CDH2: variants seen among roughly 807,000 people sequenced by gnomAD.
CDH2 encodes cadherin-2.
Under a neutral mutation model 92.0 loss-of-function variants are expected in CDH2, and 17 were observed. The ratio of observed to expected loss-of-function variants is 0.18; its 90% CI spans 0.13 to 0.28. The LOEUF is 0.28. Among genes scored for constraint, CDH2 ranks in the 10% least tolerant of loss-of-function variants. The pLI is 1.00. For synonymous variants in CDH2, 419 were observed against 415.9 expected (o/e 1.01, Z -0.09); for missense variants, 862 against 1,133.1 (o/e 0.76, Z 3.44).
chr18:28,030,256 T>A (rs2013659093), intron 2 of CDH2, among the ~76,000 whole-genome samples: 1 of 151,514 alleles, frequency 6.6e-6, no homozygotes, highest in Admixed American at 6.6e-5. Flanking sequence ...TGTGGATAAT[T>A]GGGACAATGA....
At chr18:28,111,060 T>C (rs962857018) in intron 2 of CDH2, among the ~76,000 whole-genome samples, 3 of 152,116 alleles carry the variant, frequency 2.0e-5, no homozygotes, top group Non-Finnish European at 4.4e-5. Context: ...TCTTGCTCAG[T>C]GTTGCAAAAA....
At chr18:28,125,985 A>G (rs2015671251) in intron 2 of CDH2, among the ~76,000 whole-genome samples, 1 of 152,192 alleles carries the variant, frequency 6.6e-6, no homozygotes, top group South Asian at 2.1e-4. Context: ...TTTTTACAGG[A>G]AAAGAGTCTA....
At chr18:27,943,020 A>T (rs1909182306) in intron 6 of CDH2, among the ~76,000 whole-genome samples, 1 of 152,132 alleles carries the variant, frequency 6.6e-6, no homozygotes, top group Non-Finnish European at 1.5e-5. Context: ...ACACACCCAC[A>T]CTTCTATGCT....
At chr18:28,015,157 G>C (rs1018817975) in intron 2 of CDH2, among the ~76,000 whole-genome samples, 2 of 152,070 alleles carry the variant, frequency 1.3e-5, no homozygotes, top group African/African-American at 4.8e-5. Flanking sequence ...GCTGTCATTA[G>C]AATAAATTCA....
chr18:28,076,799 G>A (rs948506577), intron 2 of CDH2, among the ~76,000 whole-genome samples: 33 of 148,862 alleles, frequency 2.2e-4, no homozygotes, highest in Admixed American at 1.3e-3. Context: ...TATCAAGCTT[G>A]AGAAACATTG....
chr18:27,949,760 G>GT (rs373454818), downstream of CDH2, among the ~76,000 whole-genome samples: 753 of 151,754 alleles, frequency 5.0e-3, 12 homozygotes, highest in African/African-American at 0.016. Context: ...TAGTTTCCTA[G>GT]TTTTTTTAAT....
intron 2 of CDH2, among the ~76,000 whole-genome samples, chr18:28,078,694 A>C (rs1041453291): frequency 1.4e-5 from 2 of 147,046 alleles, no homozygotes; most frequent in African/African-American, 5.0e-5. Context: ...TTTTTTTTGC[A>C]TGAAATACCC....
At chr18:28,052,523 A>G (rs1342704662) in intron 2 of CDH2, among the ~76,000 whole-genome samples, 2 of 152,180 alleles carry the variant, frequency 1.3e-5, no homozygotes, top group African/African-American at 4.8e-5. Context: ...AAAGGGAGAG[A>G]GAAATTTCAA....
At chr18:27,958,814 T>C (rs529697592) in intron 15 of CDH2, among the ~76,000 whole-genome samples, 53 of 152,226 alleles carry the variant, frequency 3.5e-4, no homozygotes, top group African/African-American at 1.2e-3. Context: ...CTCACGATAG[T>C]GCGTTCTCAT....
intron 15 of CDH2, among the ~76,000 whole-genome samples, chr18:27,960,352 T>C (rs1444381495): frequency 6.6e-6 from 1 of 151,866 alleles, no homozygotes; most frequent in Non-Finnish European, 1.5e-5. Context: ...GCTAGAAAAA[T>C]GGGAAAGGAA....
chr18:28,124,169 T>A (rs1168332071), intron 2 of CDH2, among the ~76,000 whole-genome samples: 2 of 152,072 alleles, frequency 1.3e-5, no homozygotes, highest in African/African-American at 2.4e-5. Context: ...CCCTCATCAC[T>A]TTCACTGACT....
intron 2 of CDH2, among the ~76,000 whole-genome samples, chr18:28,127,193 T>C (rs1598493383): frequency 6.6e-6 from 1 of 152,232 alleles, no homozygotes; most frequent in South Asian, 2.1e-4. Flanking sequence ...GAAATCACTT[T>C]CTTTTGTAGA....
intron 2 of CDH2, among the ~76,000 whole-genome samples, chr18:28,104,726 ATCTG>A (rs1337973249): frequency 3.3e-5 from 5 of 150,808 alleles, no homozygotes; most frequent in Admixed American, 3.3e-4. Context: ...CTATCTATCT[ATCTG>A]TAATATATAT....
chr18:28,168,504 CA>C (rs1304676086), intron 1 of CDH2: 5 of 164,558 alleles, frequency 3.0e-5, no homozygotes, highest in East Asian at 1.9e-4. Context: ...AAAAGAGTTT[CA>C]AAAAAAATGT....
At chr18:28,007,165 A>AAAAAAAAAAAAAT (rs1172779200) in intron 5 of CDH2, among the ~76,000 whole-genome samples, 2 of 110,502 alleles carry the variant, frequency 1.8e-5, no homozygotes, top group African/African-American at 4.4e-5. Flanking sequence ...ATAAAAAAAA[A>AAAAAAAAAAAAAT]ATATATATAT....
At chr18:28,033,477 C>T (rs749910199) in intron 2 of CDH2, among the ~76,000 whole-genome samples, 4 of 151,698 alleles carry the variant, frequency 2.6e-5, no homozygotes, top group Non-Finnish European at 4.4e-5. Flanking sequence ...AATTTAGGTG[C>T]TCTGTGTGTG....
intron 2 of CDH2, among the ~76,000 whole-genome samples, chr18:28,070,426 T>C (rs377573274): frequency 2.0e-5 from 3 of 152,192 alleles, no homozygotes; most frequent in Admixed American, 6.5e-5. Flanking sequence ...TTTGCACTGG[T>C]ATGTCACTGA....
At chr18:28,126,445 A>G (rs1195293663) in intron 2 of CDH2, among the ~76,000 whole-genome samples, 1 of 152,142 alleles carries the variant, frequency 6.6e-6, no homozygotes, top group Non-Finnish European at 1.5e-5. Flanking sequence ...GCTTTTCTCA[A>G]TCTGTTTACT....
downstream of CDH2, among the ~76,000 whole-genome samples, chr18:27,947,445 A>C (rs1369246757): frequency 6.6e-6 from 1 of 151,882 alleles, no homozygotes; most frequent in Non-Finnish European, 1.5e-5. Context: ...ATTTTGAATA[A>C]AATTTGTTAT....
Sources: gnomAD v4.1 joint callset for allele counts (sites outside exome capture counted in the v4.1 genomes callset) on GRCh38, gnomAD v4.1.1 for gene constraint, MANE v1.5 for transcripts, NCBI Gene and HGNC (gene_info 2026-07-23, HGNC 2026-07-21) for gene names.